The following PRKG2 variants were observed in gnomAD, a reference collection of about 807,000 sequenced individuals.
The protein encoded by PRKG2 is cGMP-dependent protein kinase 2.
A neutral mutation model predicts 97.2 loss-of-function variants in PRKG2; 33 were observed. The ratio of observed to expected loss-of-function variants is 0.34; its 90% CI spans 0.26 to 0.45. The LOEUF is 0.45. PRKG2 is among the 20% of genes least tolerant of loss of function. The pLI is 1.00. For synonymous variants in PRKG2, 330 were observed against 321.8 expected (o/e 1.03, Z -0.27); for missense variants, 638 against 900.0 (o/e 0.71, Z 3.73).
At chr4:81,183,806 G>C (rs1323772529) in intron 2 of PRKG2, among the ~76,000 whole-genome samples, 2 of 152,098 alleles carry the variant, frequency 1.3e-5, no homozygotes, top group Admixed American at 1.3e-4. Flanking sequence ...AGCTTAGTGG[G>C]GGAAGGGGTG....
At chr4:81,202,731 A>ATT (rs11393734) in intron 2 of PRKG2, among the ~76,000 whole-genome samples, 55,738 of 150,224 alleles carry the variant, frequency 0.37, 13,177 homozygotes, top group African/African-American at 0.66. Flanking sequence ...ATAACTACTG[A>ATT]TTTTTTTTTT....
chr4:81,185,952 G>A (rs1751845515), intron 2 of PRKG2, among the ~76,000 whole-genome samples: 1 of 152,178 alleles, frequency 6.6e-6, no homozygotes, highest in African/African-American at 2.4e-5. Flanking sequence ...ACCCAATAAA[G>A]GAGCACGCAG....
chr4:81,121,596 C>G (rs941119749), intron 14 of PRKG2, among the ~76,000 whole-genome samples: 1 of 141,076 alleles, frequency 7.1e-6, no homozygotes, highest in Non-Finnish European at 1.5e-5. Flanking sequence ...GAGCTCTTCA[C>G]AGTTCACAGT....
At chr4:81,168,283 C>T (rs1012495135) in intron 5 of PRKG2, among the ~76,000 whole-genome samples, 3 of 152,032 alleles carry the variant, frequency 2.0e-5, no homozygotes, top group Admixed American at 6.6e-5. Context: ...TCTCCCCTCT[C>T]TGAAGGCAAG....
At chr4:81,142,436 T>C (rs923224635) in intron 11 of PRKG2, among the ~76,000 whole-genome samples, 1 of 152,206 alleles carries the variant, frequency 6.6e-6, no homozygotes, top group Non-Finnish European at 1.5e-5. Flanking sequence ...TTTTCTTTAG[T>C]GTATAGAGAC....
rs779800573 is a variant in PRKG2, at chr4:81,112,554, G to A, written c.1777-1943C>T. Among the ~76,000 whole-genome samples the A allele has an allele frequency of 6.9e-4, 105 of 152,226 alleles. 1 individual carries two copies. Among genetic ancestry groups the A allele is most frequent in the Non-Finnish European group, 1.2e-3 (84 of 68,004 alleles). On this transcript the variant is annotated intron_variant, in intron 14 of 18. Coordinates refer to ENST00000264399, the MANE Select transcript of PRKG2 (RefSeq NM_006259.3). Reference sequence around the variant, plus strand: ...CCAGCTATTTAGGAGAATTTCTCTAGCTCTGAAAGTGGTATATTTCCATTT... The same window carrying A: ...CCAGCTATTTAGGAGAATTTCTCTAACTCTGAAAGTGGTATATTTCCATTT...
chr4:81,123,928 C>T (rs79563396), intron 14 of PRKG2, among the ~76,000 whole-genome samples: 5,947 of 152,172 alleles, frequency 0.039, 408 homozygotes, highest in African/African-American at 0.14. Context: ...AGTTTGCATG[C>T]TACTGTTGTT....
At chr4:81,135,428 T>C in intron 13 of PRKG2, 132 bp from the exon 14 acceptor site, 11 of 814,736 alleles carry the variant, frequency 1.4e-5, no homozygotes, top group Non-Finnish European at 2.0e-5. Context: ...CAATAAAATG[T>C]ATTTTATACT....
chr4:81,205,104 T>C lies in PRKG2; in HGVS notation c.-13-44A>G, dbSNP rs1753574768. 8 of 1,185,806 alleles carry C rather than the reference T, an allele frequency of 6.7e-6. No homozygotes were observed. The South Asian group carries it at 7.7e-5, about 11-fold the overall frequency. 73.5% of individuals were successfully genotyped at this position (1,185,806 alleles called of 1,614,324 possible). On this transcript the variant is annotated intron_variant, in intron 1 of 18. Transcript: ENST00000264399. ...GGGAAGTATCAAGTGGAGTTTCACTTCCCAACAGTCCCCACCATTCCTCTC... is the reference window on the plus strand; with the variant it reads ...GGGAAGTATCAAGTGGAGTTTCACTCCCCAACAGTCCCCACCATTCCTCTC...
intron 6 of PRKG2, among the ~76,000 whole-genome samples, chr4:81,165,346 C>G (rs1273376910): frequency 6.6e-6 from 1 of 152,112 alleles, no homozygotes; most frequent in Admixed American, 6.6e-5. Flanking sequence ...CTGCTACATG[C>G]AAAACTCCCA....
In PRKG2 at chr4:81,183,595, A is replaced by AT. The variant is rs997290079; in HGVS notation, c.462-8637dup. Among the ~76,000 whole-genome samples the AT allele has an allele frequency of 7.2e-4, 107 of 148,836 alleles. 1 individual carries two copies. The East Asian group carries it at 0.01, about 14-fold the overall frequency. On this transcript the variant is annotated intron_variant, in intron 2 of 18. Transcript: ENST00000264399. ...GACAGACACTGAGCTAGCTGCAGGA[A>AT]TTTTTTTTTTTCATACCCCCGTGGT...
At chr4:81,137,600 A>G (rs1746838775) in intron 12 of PRKG2, 118 bp from the exon 13 acceptor site, 2 of 749,382 alleles carry the variant, frequency 2.7e-6, no homozygotes, top group Admixed American at 4.6e-5. Context: ...CCATATAAAT[A>G]CCCCACAACT....
chr4:81,151,052 C>A (rs900206558), intron 8 of PRKG2, among the ~76,000 whole-genome samples: 11 of 152,000 alleles, frequency 7.2e-5, no homozygotes, highest in African/African-American at 2.7e-4. Context: ...CAGGTAATAT[C>A]TGAACACTTT....
intron 14 of PRKG2, among the ~76,000 whole-genome samples, chr4:81,128,874 A>G (rs185033631): frequency 6.1e-4 from 93 of 152,020 alleles, no homozygotes; most frequent in African/African-American, 2.2e-3. Context: ...TAGCTTTTGA[A>G]TTTGTTTGCT....
chr4:81,204,564 T>A, intron 2 of PRKG2, 23 bp downstream of exon 2: 1 of 1,595,124 alleles, frequency 6.3e-7, no homozygotes. Context: ...CATCTGAGTT[T>A]AAAGGATGCG....
chr4:81,093,982 C>T (rs978581283), intron 17 of PRKG2, among the ~76,000 whole-genome samples: 1 of 152,138 alleles, frequency 6.6e-6, no homozygotes, highest in African/African-American at 2.4e-5. Context: ...TGGTCTCAGG[C>T]ATCAAAAAAT....
intron 15 of PRKG2, among the ~76,000 whole-genome samples, chr4:81,108,708 A>T (rs1361589174): frequency 6.6e-6 from 1 of 152,018 alleles, no homozygotes; most frequent in African/African-American, 2.4e-5. Context: ...CAGCCTGGGT[A>T]ACACAGTAAG....
intron 17 of PRKG2, among the ~76,000 whole-genome samples, chr4:81,099,887 G>T (rs1040362810): frequency 1.3e-5 from 2 of 152,036 alleles, no homozygotes; most frequent in Non-Finnish European, 2.9e-5. Flanking sequence ...AAATCAATGT[G>T]CAAAAATCAC....
chr4:81,089,696 ACTTTT>A lies in PRKG2; in HGVS notation c.*7_*11del. ...TTCTGTAGAGTACAGGCAGTAATCA[ACTTTT>A]CTTCTGTCAGAAGTCTTTATCCCAG... On this transcript the variant is annotated 3_prime_UTR_variant, in exon 19 of 19. Transcript: ENST00000264399. The A allele has an allele frequency of 1.3e-6, 2 of 1,570,464 alleles. No homozygotes were observed. The highest frequency in any genetic ancestry group is 1.8e-6 in the Non-Finnish European group (2 of 1,140,694).
Sources: allele counts gnomAD v4.1 joint callset (sites outside exome capture counted in the v4.1 genomes callset), GRCh38; gene constraint gnomAD v4.1.1; transcripts MANE v1.5; gene names NCBI Gene and HGNC (gene_info 2026-07-23, HGNC 2026-07-21).